ZNF16: variants seen among roughly 807,000 people sequenced by gnomAD.
The protein encoded by ZNF16 is zinc finger protein KOX9.
ZNF16 carries 7 observed loss-of-function variants against 9.0 expected under a neutral mutation model. That is an observed-to-expected ratio of 0.78 (90% CI 0.44 to 1.47). The LOEUF (loss-of-function observed/expected upper bound fraction) is 1.47, where lower values mean the gene tolerates loss of function less well. Among genes scored for constraint, ZNF16 ranks in the 40% most tolerant of loss-of-function variants. The pLI is 0.01. For missense variants in ZNF16, 830 were observed against 854.2 expected (o/e 0.97, Z 0.35); for synonymous variants, 312 against 301.5 (o/e 1.03, Z -0.36).
chr8:144,947,352 TTGTGGGGCCTGTATCCTGC>T (rs954678628), intron 1 of ZNF16, among the ~76,000 whole-genome samples: 3 of 128,106 alleles, frequency 2.3e-5, no homozygotes, highest in African/African-American at 1.1e-4. Context: ...CTGTGTCCTG[TTGTGGGGCCTGTATCCTGC>T]TGTGGGCCTG....
intron 2 of ZNF16, among the ~76,000 whole-genome samples, chr8:144,934,358 T>C (rs750533597): frequency 6.6e-6 from 1 of 152,254 alleles, no homozygotes; most frequent in Non-Finnish European, 1.5e-5. Flanking sequence ...AGAGCTGCCC[T>C]ACGTGCCAGC....
At chr8:144,950,073 T>A (rs1031362337) in intron 1 of ZNF16, among the ~76,000 whole-genome samples, 2 of 152,238 alleles carry the variant, frequency 1.3e-5, no homozygotes, top group Non-Finnish European at 2.9e-5. Context: ...AATGCTGCCT[T>A]GTTATTCTTT....
intron 2 of ZNF16, among the ~76,000 whole-genome samples, chr8:144,942,824 T>C (rs1833837173): frequency 6.6e-6 from 1 of 152,194 alleles, no homozygotes; most frequent in Non-Finnish European, 1.5e-5. Context: ...TTAGGAAATA[T>C]GTAATGGCAA....
At chr8:144,948,741 C>T (rs970473773) in intron 1 of ZNF16, among the ~76,000 whole-genome samples, 2 of 140,808 alleles carry the variant, frequency 1.4e-5, no homozygotes, top group African/African-American at 5.2e-5. Flanking sequence ...CCCAACTATG[C>T]TATGGCTTCA....
chr8:144,939,632 T>G (rs892157393), intron 2 of ZNF16, among the ~76,000 whole-genome samples: 29 of 141,122 alleles, frequency 2.1e-4, no homozygotes, highest in African/African-American at 6.9e-4. Flanking sequence ...GCCATTGTGG[T>G]CCTGGACTTT....
At position 144,931,239 on chromosome 8, in the gene ZNF16, G is replaced by T. The variant is rs886329958; in HGVS notation, c.1548C>A (p.Pro516=). 2.5e-6 allele frequency: 4 copies of T among 1,613,422 alleles called. No individual in the cohort carries two copies. The African/African-American group carries it at 5.4e-5, about 22-fold the overall frequency. ...QHQGVHTGDK[P]YACHECGKTF... The stretch of plus-strand genomic sequence containing the variant: ...TCTTCCCACACTCGTGGCAGGCGTA[G>T]GGCTTGTCGCCTGTGTGCACGCCCT... Residue 516 remains proline (P), a synonymous_variant, in exon 3 of 3, where the codon CCC becomes CCA. Transcript: ENST00000394909.
chr8:144,931,045 G>C lies in ZNF16; in HGVS notation c.1742C>G (p.Ala581Gly). 6.2e-7 allele frequency: 1 copy of C among 1,614,216 alleles called. No individual in the cohort carries two copies. Among genetic ancestry groups the C allele is most frequent in the African/African-American group, 1.3e-5 (1 of 75,044 alleles). ...AATGAGATTTGAGCTTCGGTTGAAG[G>C]CTTTACCACACTGGTTACATTCATG... is the stretch of plus-strand genomic sequence containing the variant. Reference protein sequence around the residue: ...KPHECNQCGKAFNRSSNLIHH... With the variant: ...KPHECNQCGKGFNRSSNLIHH... Residue 581 changes from alanine (A) to glycine (G), a missense_variant, in exon 3 of 3, where the codon GCC becomes GGC. By Grantham distance (60) the Ala-to-Gly change is moderately conservative. Coordinates refer to ENST00000394909, the MANE Select transcript of ZNF16 (RefSeq NM_006958.3).
intron 2 of ZNF16, among the ~76,000 whole-genome samples, chr8:144,941,122 T>C (rs1833787465): frequency 6.6e-6 from 1 of 152,224 alleles, no homozygotes; most frequent in Non-Finnish European, 1.5e-5. Context: ...CCCTAGTTCC[T>C]TAGTGATCTT....
At chr8:144,945,950 G>C in intron 2 of ZNF16, 61 bp downstream of exon 2, 1 of 1,594,450 alleles carries the variant, frequency 6.3e-7, no homozygotes, top group Non-Finnish European at 8.6e-7. Context: ...GTAAGCACAG[G>C]GTTCCATGGA....
intron 2 of ZNF16, among the ~76,000 whole-genome samples, chr8:144,941,181 A>G (rs893737898): frequency 1.3e-5 from 2 of 152,136 alleles, no homozygotes; most frequent in African/African-American, 4.8e-5. Context: ...TGAAGTCTCT[A>G]TTACTATAGA....
At chr8:144,942,853 C>T (rs1347844608) in intron 2 of ZNF16, among the ~76,000 whole-genome samples, 1 of 152,188 alleles carries the variant, frequency 6.6e-6, no homozygotes, top group Middle Eastern at 3.2e-3. Flanking sequence ...ATTAATTTTG[C>T]ACCAACTTAA....
chr8:144,948,556 T>C (rs926677312), intron 1 of ZNF16: 4 of 152,212 alleles, frequency 2.6e-5, no homozygotes, highest in Admixed American at 1.3e-4. Context: ...AAATTCTCAT[T>C]GTTTCTGAAT....
Position 144,931,134 on chromosome 8 carries a change from T to C in ZNF16, c.1653A>G (p.Gly551=). The C allele has an allele frequency of 6.2e-7, 1 of 1,614,174 alleles. No homozygotes were observed. The highest frequency in any genetic ancestry group is 8.5e-7 in the Non-Finnish European group (1 of 1,180,016). ...GGGTTGAGCTCTGGCTGAAGGTTTT[T>C]CCACATTCAGTACATTCATAGGGCT... ...GEKPYECTEC[G]KTFSQSSTLI... Residue 551 remains glycine, a synonymous_variant, in exon 3 of 3, where the codon GGA becomes GGG. Coordinates refer to ENST00000394909, the MANE Select transcript of ZNF16 (RefSeq NM_006958.3).
rs778147694 is a variant in ZNF16 at position 144,931,914 on chromosome 8, C to A, written c.873G>T (p.Arg291Ser). The A allele has an allele frequency of 2.5e-6, 4 of 1,614,126 alleles. No individual in the cohort carries two copies. The highest frequency in any genetic ancestry group is 3.4e-6 in the Non-Finnish European group (4 of 1,180,016). Reference protein sequence around the residue: ...SRHQSHHSSERPYMCNECGKA... With the variant: ...SRHQSHHSSESPYMCNECGKA... ...TTCCACATTCATTACACATATAAGG[C>A]CTCTCACTGCTGTGGTGACTCTGAT... The change falls in exon 3 of 3, where the codon AGG becomes AGT. Residue 291 changes from arginine (R) to serine (S), a missense_variant. By Grantham distance (110) the Arg-to-Ser change is moderately radical (BLOSUM62 -1). Transcript: ENST00000394909.
chr8:144,938,880 C>T (rs1833741037), intron 2 of ZNF16, among the ~76,000 whole-genome samples: 2 of 151,794 alleles, frequency 1.3e-5, no homozygotes, highest in South Asian at 2.1e-4. Context: ...TTCACAAATG[C>T]CCTTTATCAT....
intron 2 of ZNF16, 70 bp downstream of exon 2, chr8:144,945,941 T>TA (rs1221147394): frequency 6.3e-7 from 1 of 1,580,550 alleles, no homozygotes; most frequent in Non-Finnish European, 8.6e-7. Flanking sequence ...CTCCTAGGGG[T>TA]AAGCACAGGG....
At position 144,932,855 on chromosome 8, in the gene ZNF16, G is replaced by A. The variant is rs990312504; in HGVS notation, c.197-265C>T. Among the ~76,000 whole-genome samples, 5 of 152,024 alleles carry A rather than the reference G, an allele frequency of 3.3e-5. No individual in the cohort carries two copies. The highest frequency in any genetic ancestry group is 4.8e-5 in the African/African-American group (2 of 41,378). ...TCCACATCTCAGCAAACGTTACTGC[G>A]GTCTACCTTCTGGCTCAGGCCAAAA... is the stretch of plus-strand genomic sequence containing the variant. On this transcript the variant is annotated intron_variant, in intron 2 of 2. Transcript: ENST00000394909. This position sits in a 1 kb window ranked among gnomAD's most constrained non-coding sequence, Gnocchi z 5.0.
chr8:144,942,032 C>CTCGAGTGT (rs1423633550), intron 2 of ZNF16, among the ~76,000 whole-genome samples: 1 of 143,986 alleles, frequency 6.9e-6, no homozygotes, highest in African/African-American at 2.7e-5. Context: ...GGCTGGAGTG[C>CTCGAGTGT]AGTGGCGCGA....
At position 144,933,333 on chromosome 8, in the gene ZNF16, T is replaced by C. The variant is rs1287782371; in HGVS notation, c.197-743A>G. ...TGCTGTGTCCTGTCAAAGCCACCTGTACCTCTGAAAACCCACAATTCTGAC... is the reference window on the plus strand; with the variant it reads ...TGCTGTGTCCTGTCAAAGCCACCTGCACCTCTGAAAACCCACAATTCTGAC... On this transcript the variant is annotated intron_variant, in intron 2 of 2. Coordinates refer to ENST00000394909, the MANE Select transcript of ZNF16 (RefSeq NM_006958.3). The surrounding 1 kb of genome is among the most constrained non-coding windows in gnomAD (Gnocchi z 5.6). Among the ~76,000 whole-genome samples, 2 of 152,178 alleles carry C rather than the reference T, an allele frequency of 1.3e-5. No individual in the cohort carries two copies. The highest frequency in any genetic ancestry group is 1.5e-5 in the Non-Finnish European group (1 of 68,018).
Sources: allele counts gnomAD v4.1 joint callset (sites outside exome capture counted in the v4.1 genomes callset), GRCh38; gene constraint gnomAD v4.1.1; non-coding constraint Gnocchi (gnomAD v3.1); transcripts MANE v1.5; gene names NCBI Gene and HGNC (gene_info 2026-07-23, HGNC 2026-07-21).